The following NFX1 variants were observed in gnomAD, a reference collection of about 807,000 sequenced individuals.
NFX1 encodes transcriptional repressor NF-X1.
NFX1 carries 69 observed loss-of-function variants against 137.2 expected under a neutral mutation model. That is an observed-to-expected ratio of 0.50 (90% CI 0.41 to 0.61). The LOEUF (loss-of-function observed/expected upper bound fraction) is 0.61, where lower values mean the gene tolerates loss of function less well. Ranked by LOEUF, NFX1 falls within the 20% of genes least tolerant of loss-of-function variation. NFX1 has a pLI of 0.00. For synonymous variants in NFX1, 495 were observed against 474.1 expected, an observed-to-expected ratio of 1.04 and a Z score of -0.57; for missense variants, 1,167 against 1,391.0, an observed-to-expected ratio of 0.84 and a Z score of 2.56.
At position 33,342,607 on chromosome 9, in the gene NFX1, T is replaced by G; in HGVS notation, c.2116-139T>G. The G allele has an allele frequency of 7.7e-6, 5 of 650,784 alleles. No homozygotes were observed. The South Asian group carries it at 1.0e-4, about 14-fold the overall frequency. The allele number at this position is 650,784 out of a possible 1,614,324, so 40.3% of individuals were successfully genotyped here. A position where few individuals can be genotyped will look rare whatever the true frequency, so the allele number is the denominator to read the frequency against. The stretch of plus-strand genomic sequence containing the variant: ...CTTCATCCCCACCTACTCTCCCTTC[T>G]GTGGCTATTTTGAAGGTATTTCCAG... On this transcript the variant is annotated intron_variant, in intron 12 of 23. Coordinates refer to ENST00000379540, the MANE Select transcript of NFX1 (RefSeq NM_002504.6).
At chr9:33,307,060 G>T in intron 4 of NFX1, 134 bp from the exon 5 acceptor site, 2 of 554,416 alleles carry the variant, frequency 3.6e-6, no homozygotes, top group South Asian at 3.1e-5. Context: ...TTTAAGATAT[G>T]GGATAATACA....
chr9:33,358,546 C>T (rs913259780), intron 19 of NFX1, among the ~76,000 whole-genome samples: 2 of 148,916 alleles, frequency 1.3e-5, no homozygotes, highest in African/African-American at 5.0e-5. Flanking sequence ...CATTTTAAAG[C>T]AAATGCTCAT....
rs538365917 is a variant in NFX1 at position 33,319,113 on chromosome 9, C to G, written c.1892C>G (p.Pro631Arg). 3.5e-5 allele frequency: 56 copies of G among 1,614,174 alleles called. No individual in the cohort carries two copies. The East Asian group carries it at 1.1e-3, about 31-fold the overall frequency. Reference protein sequence around the residue: ...SCGKVCGKPLPCGSLDFIHTC... With the variant: ...SCGKVCGKPLRCGSLDFIHTC... ...GGAAAAGTGTGCGGCAAGCCTCTGC[C>G]TTGTGGTTCCTTAGGTAACTAGTAA... The change falls in exon 9 of 24, where the codon CCT becomes CGT. Residue 631 changes from proline (P) to arginine (R), a missense_variant. Physicochemically the swap from Pro to Arg is moderately radical, Grantham distance 103 (BLOSUM62 -2). Around this residue, in one of 3 missense-constraint regions of NFX1, gnomAD observed 488 missense variants for 691.5 expected, o/e 0.71. Coordinates refer to ENST00000379540, the MANE Select transcript of NFX1 (RefSeq NM_002504.6).
At chr9:33,296,165 G>A (rs1405504193) in intron 2 of NFX1, among the ~76,000 whole-genome samples, 6 of 152,140 alleles carry the variant, frequency 3.9e-5, no homozygotes, top group Non-Finnish European at 8.8e-5. Context: ...GACCTCGGGT[G>A]ATCCGCCTCG....
chr9:33,317,724 C>G (rs1822223950), intron 7 of NFX1, among the ~76,000 whole-genome samples: 1 of 151,560 alleles, frequency 6.6e-6, no homozygotes, highest in African/African-American at 2.4e-5. Flanking sequence ...GCCTGTAGTC[C>G]CAGCCCTTTG....
chr9:33,359,373 C>T lies in NFX1; in HGVS notation c.2873+4481C>T, dbSNP rs937455602. 1.6e-4 allele frequency among the ~76,000 whole-genome samples: 25 copies of T among 151,924 alleles called. 1 individual carries two copies. The highest frequency in any genetic ancestry group is 5.2e-4 in the Admixed American group (8 of 15,264). ...CAGCACTTTGGGAGACTGAGGCGGG[C>T]GGATCACTTGAGGTCAAGAGTTCGA... On this transcript the variant is annotated intron_variant, in intron 19 of 23. Transcript: ENST00000379540.
intron 23 of NFX1, among the ~76,000 whole-genome samples, chr9:33,369,276 G>A (rs1824259666): frequency 6.6e-6 from 1 of 152,004 alleles, no homozygotes; most frequent in Non-Finnish European, 1.5e-5. Flanking sequence ...CATGTGTTAG[G>A]ATGGTCTCAA....
rs770845719 is a variant in NFX1, at chr9:33,328,683, A to G, written c.2004+5A>G. 4 of 1,600,992 alleles carry G rather than the reference A, an allele frequency of 2.5e-6. No individual in the cohort carries two copies. In the South Asian group the frequency reaches 4.4e-5, roughly 18 times the overall value. Reference sequence around the variant, plus strand: ...AGATGCTCTTTCAGAACAAAGGTAAATCCTAAACAATGCTAGAGTTGTTGC... The same window carrying G: ...AGATGCTCTTTCAGAACAAAGGTAAGTCCTAAACAATGCTAGAGTTGTTGC... On this transcript the variant is annotated splice_donor_5th_base_variant and intron_variant, in intron 10 of 23. Coordinates refer to ENST00000379540, the MANE Select transcript of NFX1 (RefSeq NM_002504.6).
At chr9:33,313,900 C>T in intron 7 of NFX1, 107 bp downstream of exon 7, 1 of 1,148,378 alleles carries the variant, frequency 8.7e-7, no homozygotes, top group South Asian at 1.4e-5. Flanking sequence ...GTCACAAAGA[C>T]CTTGAGTAGA....
At chr9:33,351,811 A>G (rs1345167686) in intron 16 of NFX1, 21 bp downstream of exon 16, 11 of 1,544,286 alleles carry the variant, frequency 7.1e-6, no homozygotes, top group Non-Finnish European at 9.6e-6. Context: ...CTGGCCACAG[A>G]TGCAGCATTG....
Position 33,332,974 on chromosome 9 carries a change from T to C in NFX1, c.2035+472T>C, listed in dbSNP as rs144345047. Among the ~76,000 whole-genome samples, 566 of 152,254 alleles carry C rather than the reference T, an allele frequency of 3.7e-3. 1 individual carries two copies. The highest frequency in any genetic ancestry group is 0.013 in the African/African-American group (537 of 41,552). ...GATTCCCCTGCCTCAGCCTCCCAAG[T>C]AGCTGGGATTACAGGTGTCCACCAC... On this transcript the variant is annotated intron_variant, in intron 11 of 23. Coordinates refer to ENST00000379540, the MANE Select transcript of NFX1 (RefSeq NM_002504.6).
At position 33,357,251 on chromosome 9, in the gene NFX1, G is replaced by C. The variant is rs368894456; in HGVS notation, c.2873+2359G>C. 1.2e-4 allele frequency among the ~76,000 whole-genome samples: 18 copies of C among 151,986 alleles called. No individual in the cohort carries two copies. In the East Asian group the frequency reaches 1.9e-3, roughly 16 times the overall value. Reference sequence around the variant, plus strand: ...CAGGAGGCGGAGCTTGCAGTGAGCCGAGATGGTGCCACTGCACTCTAGCCT... The same window carrying C: ...CAGGAGGCGGAGCTTGCAGTGAGCCCAGATGGTGCCACTGCACTCTAGCCT... On this transcript the variant is annotated intron_variant, in intron 19 of 23. Transcript: ENST00000379540.
At chr9:33,317,435 A>G (rs1263847931) in intron 7 of NFX1, among the ~76,000 whole-genome samples, 5 of 145,120 alleles carry the variant, frequency 3.4e-5, no homozygotes, top group South Asian at 2.1e-4. Flanking sequence ...AAAAAAAAAA[A>G]GAAAGAAAGA....
chr9:33,327,098 T>C (rs1214796765), intron 9 of NFX1, among the ~76,000 whole-genome samples: 1 of 152,184 alleles, frequency 6.6e-6, no homozygotes, highest in Non-Finnish European at 1.5e-5. Context: ...ACATGAGACT[T>C]ACAGAAAACT....
At chr9:33,300,522 A>G (rs1406976187) in intron 2 of NFX1, among the ~76,000 whole-genome samples, 2 of 152,250 alleles carry the variant, frequency 1.3e-5, no homozygotes, top group African/African-American at 4.8e-5. Flanking sequence ...TCAAAAAAGC[A>G]TATACACACA....
At chr9:33,363,809 T>A (rs533356205) in intron 19 of NFX1, among the ~76,000 whole-genome samples, 78 of 152,334 alleles carry the variant, frequency 5.1e-4, no homozygotes, top group African/African-American at 1.8e-3. Context: ...GCTCAGATCC[T>A]TATAGATCTG....
chr9:33,333,660 G>C (rs762623475), intron 11 of NFX1, among the ~76,000 whole-genome samples: 2 of 152,186 alleles, frequency 1.3e-5, no homozygotes, highest in Non-Finnish European at 2.9e-5. Context: ...GTGGGTAAAG[G>C]TACACAACAT....
intron 4 of NFX1, among the ~76,000 whole-genome samples, chr9:33,303,797 A>T (rs1368224879): frequency 6.6e-6 from 1 of 152,092 alleles, no homozygotes; most frequent in African/African-American, 2.4e-5. Flanking sequence ...TGTAACCCAG[A>T]TGCTCATTCT....
At position 33,313,700 on chromosome 9, in the gene NFX1, C is replaced by T. The variant is rs775838582; in HGVS notation, c.1495C>T (p.Pro499Ser). ...GGCTGTCTCAGTCCACTGTTCTAAC[C>T]CATGTGAGAATATTTTGAACTGTGG... ...GQAVSVHCSN[P>S]CENILNCGQH... The change falls in exon 7 of 24, where the codon CCA becomes TCA. Residue 499 changes from proline (P) to serine (S), a missense_variant. Around this residue, in one of 3 missense-constraint regions of NFX1, gnomAD observed 488 missense variants for 691.5 expected, o/e 0.71. Transcript: ENST00000379540. The T allele has an allele frequency of 6.8e-6, 11 of 1,613,978 alleles. No homozygotes were observed. The South Asian group carries it at 1.2e-4, about 18-fold the overall frequency.
Sources: allele counts gnomAD v4.1 joint callset (sites outside exome capture counted in the v4.1 genomes callset), GRCh38; gene constraint gnomAD v4.1.1; regional missense constraint gnomAD v4.1.1; transcripts MANE v1.5; gene names NCBI Gene and HGNC (gene_info 2026-07-23, HGNC 2026-07-21).